Variants in OOEP observed in about 807,000 individuals in gnomAD.
The protein encoded by OOEP is oocyte expressed protein, also known as oocyte-expressed protein homolog.
In OOEP, 16 loss-of-function variants were observed where a neutral mutation model predicts 13.7. The ratio of observed to expected loss-of-function variants is 1.16; its 90% CI spans 0.79 to 1.77. OOEP has a LOEUF of 1.77. Among genes scored for constraint, OOEP ranks in the 40% most tolerant of loss-of-function variants. The pLI is 0.00. For synonymous variants in OOEP, 89 were observed against 77.1 expected, an observed-to-expected ratio of 1.15 and a Z score of -0.81; for missense variants, 195 against 193.1, an observed-to-expected ratio of 1.01 and a Z score of -0.06.
In OOEP at chr6:73,368,682, G is replaced by A; in HGVS notation, c.*102C>T. The A allele has an allele frequency of 1.3e-6, 1 of 763,520 alleles. No individual in the cohort carries two copies. The highest frequency in any genetic ancestry group is 2.3e-6 in the Non-Finnish European group (1 of 440,056). The allele number at this position is 763,520 out of a possible 1,614,324, so 47.3% of individuals were successfully genotyped here. Reference sequence around the variant, plus strand: ...TAAACCACAATCCATCAAGACACAGGAAAAAGGAATACGGGGATTTAAGAA... The same window carrying A: ...TAAACCACAATCCATCAAGACACAGAAAAAAGGAATACGGGGATTTAAGAA... On this transcript the variant is annotated 3_prime_UTR_variant, in exon 3 of 3. Coordinates refer to ENST00000370359, the MANE Select transcript of OOEP (RefSeq NM_001080507.3).
exon 1 of OOEP, chr6:73,394,932 G>C: frequency 6.2e-7 from 1 of 1,614,262 alleles, no homozygotes; most frequent in South Asian, 1.1e-5. Context: ...GAGCTCCCAA[G>C]GCCTCTACGT....
intron 2 of OOEP, among the ~76,000 whole-genome samples, chr6:73,386,743 A>G (rs1341689850): frequency 6.6e-6 from 1 of 151,938 alleles, no homozygotes; most frequent in Admixed American, 6.6e-5. Flanking sequence ...AGGCGGGTGG[A>G]TCACCTGAGG....
intron 2 of OOEP, 100 bp downstream of exon 2, chr6:73,369,106 A>G (rs1393780791): frequency 6.8e-6 from 9 of 1,325,336 alleles, no homozygotes; most frequent in Non-Finnish European, 9.3e-6. Context: ...CTGGAAACCA[A>G]GAAATTTTGA....
At chr6:73,394,779 G>A (rs1769425073) in exon 1 of OOEP, 2 of 1,383,716 alleles carry the variant, frequency 1.4e-6, no homozygotes, top group Non-Finnish European at 9.7e-7. Context: ...GGGCGGGGGG[G>A]CTAGCCTCGT....
chr6:73,369,759 G>A lies in OOEP; in HGVS notation c.34C>T (p.Arg12Trp), dbSNP rs891507935. 2 of 1,613,730 alleles carry A rather than the reference G, an allele frequency of 1.2e-6. No individual in the cohort carries two copies. The highest frequency in any genetic ancestry group is 1.3e-5 in the African/African-American group (1 of 74,926). The change falls in exon 1 of 3, where the codon CGG becomes TGG. Residue 12 changes from arginine to tryptophan, a missense_variant. Coordinates refer to ENST00000370359, the MANE Select transcript of OOEP (RefSeq NM_001080507.3). ...VDDAGAAESQ[R>W]GKQTPAHSLE... Reference sequence around the variant, plus strand: ...GAGTGGGCCGGAGTCTGTTTGCCCCGCTGGGACTCAGCGGCACCAGCATCA... The same window carrying A: ...GAGTGGGCCGGAGTCTGTTTGCCCCACTGGGACTCAGCGGCACCAGCATCA...
chr6:73,370,219 T>C (rs1435507587), upstream of OOEP: 1 of 180,178 alleles, frequency 5.6e-6, no homozygotes, highest in East Asian at 1.4e-4. Flanking sequence ...CTCCCAAAGA[T>C]AGGTATATCG....
At chr6:73,373,074 G>A, upstream of OOEP, 1 of 1,523,794 alleles carries the variant, frequency 6.6e-7, no homozygotes, top group Non-Finnish European at 9.1e-7. Context: ...CCTTCAGACA[G>A]CATAAATATG....
intron 2 of OOEP, among the ~76,000 whole-genome samples, chr6:73,377,639 AT>A (rs1396982931): frequency 6.6e-6 from 1 of 152,084 alleles, no homozygotes; most frequent in Non-Finnish European, 1.5e-5. Context: ...AGCCAGCAAT[AT>A]TTTTATGTAT....
chr6:73,389,764 G>A (rs954370963), intron 2 of OOEP, among the ~76,000 whole-genome samples: 1 of 152,124 alleles, frequency 6.6e-6, no homozygotes, highest in Admixed American at 6.5e-5. Context: ...GTTAATGGGT[G>A]CAGCACACCA....
intron 2 of OOEP, among the ~76,000 whole-genome samples, chr6:73,377,769 G>T (rs577743881): frequency 6.6e-6 from 1 of 152,322 alleles, no homozygotes; most frequent in South Asian, 2.1e-4. Context: ...CTGGACTCAA[G>T]CAATTCTCCT....
At chr6:73,379,812 C>T (rs1769178149) in intron 2 of OOEP, among the ~76,000 whole-genome samples, 4 of 151,942 alleles carry the variant, frequency 2.6e-5, no homozygotes, top group Admixed American at 2.6e-4. Context: ...AACTCCAGAG[C>T]TCTGAGCTCA....
At chr6:73,387,941 T>C (rs1187897502) in intron 2 of OOEP, among the ~76,000 whole-genome samples, 1 of 152,224 alleles carries the variant, frequency 6.6e-6, no homozygotes, top group Non-Finnish European at 1.5e-5. Context: ...CAATCTGGGC[T>C]GACCTGCAAC....
At chr6:73,376,786 G>T (rs908099667) in intron 2 of OOEP, among the ~76,000 whole-genome samples, 1 of 152,152 alleles carries the variant, frequency 6.6e-6, no homozygotes, top group African/African-American at 2.4e-5. Context: ...CAAGTAGCTG[G>T]GATTACTGGT....
In OOEP at chr6:73,369,278, G is replaced by A. The variant is rs929289955; in HGVS notation, c.298C>T (p.Pro100Ser). 6.2e-7 allele frequency: 1 copy of A among 1,613,906 alleles called. No individual in the cohort carries two copies. Among genetic ancestry groups the A allele is most frequent in the African/African-American group, 1.3e-5 (1 of 75,010 alleles). ...NLVEITVFGR[P>S]RVQNRVKSML... Reference sequence around the variant, plus strand: ...CTCTTCACCCGATTCTGTACACGGGGCCGCCCGAAAACGGTGATTTCGACT... The same window carrying A: ...CTCTTCACCCGATTCTGTACACGGGACCGCCCGAAAACGGTGATTTCGACT... The change falls in exon 2 of 3, where the codon CCC becomes TCC. Residue 100 changes from proline to serine, a missense_variant. Physicochemically the swap from Pro to Ser is moderately conservative, Grantham distance 74. Coordinates refer to ENST00000370359, the MANE Select transcript of OOEP (RefSeq NM_001080507.3).
At chr6:73,371,141 C>T (rs1183210799), upstream of OOEP, among the ~76,000 whole-genome samples, 3 of 152,144 alleles carry the variant, frequency 2.0e-5, no homozygotes, top group African/African-American at 7.2e-5. Context: ...AAAGCATGTT[C>T]CAGACTCCAC....
At chr6:73,384,491 T>C (rs1049590232) in intron 2 of OOEP, among the ~76,000 whole-genome samples, 1 of 152,124 alleles carries the variant, frequency 6.6e-6, no homozygotes, top group Admixed American at 6.6e-5. Flanking sequence ...AAGAAACAAC[T>C]ACAGACCAAT....
intron 2 of OOEP, among the ~76,000 whole-genome samples, chr6:73,383,973 G>T (rs927570651): frequency 2.0e-5 from 3 of 152,028 alleles, no homozygotes; most frequent in Admixed American, 6.6e-5. Flanking sequence ...GCACATGCCT[G>T]TAATCCCAGC....
chr6:73,376,470 T>C (rs1769140864), intron 2 of OOEP, among the ~76,000 whole-genome samples: 2 of 73,956 alleles, frequency 2.7e-5, no homozygotes, highest in African/African-American at 1.1e-4. Context: ...CAACGAAACA[T>C]GATTTTATTT....
intron 2 of OOEP, among the ~76,000 whole-genome samples, chr6:73,375,886 G>T (rs1254313562): frequency 1.3e-5 from 2 of 150,616 alleles, no homozygotes; most frequent in African/African-American, 4.9e-5. Flanking sequence ...CTGCCTCCCA[G>T]GTTCAAGTGA....
Sources: allele counts gnomAD v4.1 joint callset (sites outside exome capture counted in the v4.1 genomes callset), GRCh38; gene constraint gnomAD v4.1.1; transcripts MANE v1.5; gene names NCBI Gene and HGNC (gene_info 2026-07-23, HGNC 2026-07-21).